ADAM33: variants seen among roughly 807,000 people sequenced by gnomAD.
ADAM33 encodes the protein ADAM metallopeptidase domain 33.
ADAM33 carries 103 observed loss-of-function variants against 106.2 expected under a neutral mutation model. That is an observed-to-expected ratio of 0.97 (90% CI 0.83 to 1.14). The LOEUF (loss-of-function observed/expected upper bound fraction) is 1.14. Among genes scored for constraint, ADAM33 ranks in the 50% most tolerant of loss-of-function variants. ADAM33 has a pLI of 0.00. For missense variants in ADAM33, 1,120 were observed against 1,096.6 expected, an observed-to-expected ratio of 1.02 and a Z score of -0.30; for synonymous variants, 483 against 453.0, an observed-to-expected ratio of 1.07 and a Z score of -0.84.
chr20:3,674,404 A>G lies in ADAM33; in HGVS notation c.600+100T>C, dbSNP rs942085418. 31 of 1,601,104 alleles carry G rather than the reference A, an allele frequency of 1.9e-5. No homozygotes were observed. The Admixed American group carries it at 2.5e-4, about 13-fold the overall frequency. On this transcript the variant is annotated intron_variant, in intron 6 of 21. Coordinates refer to ENST00000356518, the MANE Select transcript of ADAM33 (RefSeq NM_025220.5). ...CTGGAACTTGTTTCTTCAGACTTCA[A>G]TAAAAATACTGGGACTCGAGGCCTG...
At chr20:3,673,058 G>C in intron 11 of ADAM33, 160 bp from the exon 12 acceptor site, 1 of 1,437,948 alleles carries the variant, frequency 7.0e-7, no homozygotes. Context: ...GACAGGGGAC[G>C]ATGCGGCCCC....
chr20:3,671,001 C>T lies in ADAM33; in HGVS notation c.2240+5G>A. The T allele has an allele frequency of 1.3e-6, 2 of 1,544,650 alleles. No individual in the cohort carries two copies. The highest frequency in any genetic ancestry group is 2.4e-5 in the South Asian group (2 of 83,602). ...AGGCTCAGGAAGCAGGCGCTCGGAGCCTACCCACTGCACGCAGGGTCCCTT... is the reference window on the plus strand; with the variant it reads ...AGGCTCAGGAAGCAGGCGCTCGGAGTCTACCCACTGCACGCAGGGTCCCTT... On this transcript the variant is annotated splice_donor_5th_base_variant and intron_variant, in intron 19 of 21. Transcript: ENST00000356518.
chr20:3,680,382 C>G (rs2595584), intron 1 of ADAM33, among the ~76,000 whole-genome samples: 92,427 of 151,980 alleles, frequency 0.61, 28,280 homozygotes, highest in Middle Eastern at 0.69. Flanking sequence ...ACAGCCTCCC[C>G]CCTCCACGCA....
At chr20:3,680,143 G>A (rs979020361) in intron 1 of ADAM33, among the ~76,000 whole-genome samples, 5 of 152,100 alleles carry the variant, frequency 3.3e-5, no homozygotes, top group Admixed American at 2.0e-4. Context: ...GGACGCTTCT[G>A]GACGGAGCCT....
chr20:3,673,394 C>T lies in ADAM33; in HGVS notation c.1093G>A (p.Ala365Thr), dbSNP rs41419248. The change falls in exon 11 of 22, where the codon GCG becomes ACG. Residue 365 changes from alanine to threonine, a missense_variant. Coordinates refer to ENST00000356518, the MANE Select transcript of ADAM33 (RefSeq NM_025220.5). Reference protein sequence around the residue: ...HDPDGCCVEAAAESGGCVMAA... With the variant: ...HDPDGCCVEATAESGGCVMAA... ...ATGACGCAGCCTCCGGACTCGGCCGCAGCCTCCACGCAGCAGCCGTCGGGG... is the reference window on the plus strand; with the variant it reads ...ATGACGCAGCCTCCGGACTCGGCCGTAGCCTCCACGCAGCAGCCGTCGGGG... 1.9e-6 allele frequency: 3 copies of T among 1,547,554 alleles called. No homozygotes were observed. The highest frequency in any genetic ancestry group is 2.4e-5 in the South Asian group (2 of 84,868).
At chr20:3,676,062 C>A (rs918760932) in intron 3 of ADAM33, among the ~76,000 whole-genome samples, 3 of 152,218 alleles carry the variant, frequency 2.0e-5, no homozygotes, top group African/African-American at 7.2e-5. Flanking sequence ...GAATAAAATA[C>A]GTGTCAAGTG....
At chr20:3,673,211 C>A (rs2087675433) in intron 11 of ADAM33, 143 bp downstream of exon 11, 2 of 1,532,288 alleles carry the variant, frequency 1.3e-6, no homozygotes, top group African/African-American at 1.4e-5. Flanking sequence ...CCCTTTAAGC[C>A]TCATAAACCA....
In ADAM33 at chr20:3,672,784, C is replaced by T; in HGVS notation, c.1248G>A (p.Pro416=). 2 of 1,570,534 alleles carry T rather than the reference C, an allele frequency of 1.3e-6. No individual in the cohort carries two copies. The highest frequency in any genetic ancestry group is 1.7e-6 in the Non-Finnish European group (2 of 1,158,316). The change falls in exon 12 of 22, where the codon CCG becomes CCA. Residue 416 remains proline (P), a synonymous_variant. Transcript: ENST00000356518. ...CGAAGCCGTTCCCGCAGAGCGCCGGCGGCACCGGGAGTCCGGGGTCCGGGG... is the reference window on the plus strand; with the variant it reads ...CGAAGCCGTTCCCGCAGAGCGCCGGTGGCACCGGGAGTCCGGGGTCCGGGG... The part of the protein sequence containing the change: ...SNAPDPGLPV[P]PALCGNGFVE...
At chr20:3,679,956 G>A (rs1037505339) in intron 1 of ADAM33, among the ~76,000 whole-genome samples, 2 of 152,152 alleles carry the variant, frequency 1.3e-5, no homozygotes, top group Admixed American at 6.5e-5. Context: ...ATGCCTTTAG[G>A]GTGAGAGATG....
Position 3,672,908 on chromosome 20 carries a change from C to G in ADAM33, c.1134-10G>C. ...GCGCGGAAACGGGTGCCTACCGGCA[C>G]GGGGAGGGCATTGGGCATGGAGGGA... On this transcript the variant is annotated splice_polypyrimidine_tract_variant and intron_variant, in intron 11 of 21. Transcript: ENST00000356518. 6.4e-7 allele frequency: 1 copy of G among 1,556,178 alleles called. No individual in the cohort carries two copies. Among genetic ancestry groups the G allele is most frequent in the Non-Finnish European group, 8.6e-7 (1 of 1,160,880 alleles).
chr20:3,679,949 C>T (rs1048387609), intron 1 of ADAM33, among the ~76,000 whole-genome samples: 1 of 152,118 alleles, frequency 6.6e-6, no homozygotes, highest in Non-Finnish European at 1.5e-5. Flanking sequence ...GCAGCAGATG[C>T]CTTTAGGGTG....
rs372023157 is a variant in ADAM33 at position 3,671,978 on chromosome 20, G to T, written c.1605C>A (p.His535Gln). The T allele has an allele frequency of 5.2e-5, 81 of 1,555,314 alleles. 2 individuals carry two copies. Among genetic ancestry groups the T allele is most frequent in the South Asian group, 2.7e-4 (23 of 84,394 alleles). Reference protein sequence around the residue: ...QCQQLWGPGSHPAPEACFQVV... With the variant: ...QCQQLWGPGSQPAPEACFQVV... Reference sequence around the variant, plus strand: ...CCTGGAAACAGGCCTCGGGAGCTGGGTGGGAGCCTGAGGAAGCATGGGCCA... The same window carrying T: ...CCTGGAAACAGGCCTCGGGAGCTGGTTGGGAGCCTGAGGAAGCATGGGCCA... The change falls in exon 15 of 22, where the codon CAC (histidine) becomes CAA (glutamine). Residue 535 changes from histidine (H) to glutamine (Q), a missense_variant. Transcript: ENST00000356518.
At position 3,673,728 on chromosome 20, in the gene ADAM33, G is replaced by A. The variant is rs1351161745; in HGVS notation, c.905+17C>T. 11 of 1,412,540 alleles carry A rather than the reference G, an allele frequency of 7.8e-6. No individual in the cohort carries two copies. Among genetic ancestry groups the A allele is most frequent in the Non-Finnish European group, 1.0e-5 (11 of 1,088,990 alleles). The allele number at this position is 1,412,540 out of a possible 1,614,324, so 87.5% of individuals were successfully genotyped here. On this transcript the variant is annotated intron_variant, in intron 9 of 21. Transcript: ENST00000356518. ...GCCGCCCCACCCGGGACCCGCGTCC[G>A]GGTCAGAGGCACCCACGTGAGCAGC... is the stretch of plus-strand genomic sequence containing the variant.
chr20:3,681,411 G>C (rs903242186), intron 1 of ADAM33, among the ~76,000 whole-genome samples: 1 of 152,206 alleles, frequency 6.6e-6, no homozygotes, highest in African/African-American at 2.4e-5. Flanking sequence ...GGGGTGAGCA[G>C]GGTGGAGGCC....
intron 13 of ADAM33, 78 bp from the exon 14 acceptor site, chr20:3,672,407 G>T: frequency 6.3e-7 from 1 of 1,577,214 alleles, no homozygotes; most frequent in Non-Finnish European, 8.6e-7. Context: ...GCGCGGCTCG[G>T]AGCTGGGGGA....
intron 19 of ADAM33, chr20:3,670,673 G>A: frequency 3.1e-6 from 1 of 323,514 alleles, no homozygotes; most frequent in Non-Finnish European, 5.8e-6. Context: ...GCATGGTACA[G>A]GGACTGCAAT....
chr20:3,669,770 T>C (rs1310096633), intron 19 of ADAM33, 133 bp from the exon 20 acceptor site: 10 of 822,166 alleles, frequency 1.2e-5, no homozygotes, highest in Admixed American at 1.0e-4. Context: ...CTGCTCCAAG[T>C]CACCCTCTCA....
intron 14 of ADAM33, 67 bp from the exon 15 acceptor site, chr20:3,672,052 C>A: frequency 6.4e-7 from 1 of 1,563,308 alleles, no homozygotes. Context: ...CCTCAGTTTC[C>A]CCTGCCCATC....
intron 19 of ADAM33, chr20:3,670,656 G>A (rs1359876401): frequency 4.0e-5 from 10 of 249,816 alleles, no homozygotes; most frequent in Admixed American, 1.4e-4. Flanking sequence ...ACAGGCCTCC[G>A]GGGGCAGCAT....
Sources: allele counts gnomAD v4.1 joint callset (sites outside exome capture counted in the v4.1 genomes callset), GRCh38; gene constraint gnomAD v4.1.1; transcripts MANE v1.5; gene names NCBI Gene and HGNC (gene_info 2026-07-23, HGNC 2026-07-21).